TOGARAM2: variants seen among roughly 807,000 people sequenced by gnomAD.
The protein encoded by TOGARAM2 is TOG array regulator of axonemal microtubules 2.
TOGARAM2 carries 85 observed loss-of-function variants against 93.3 expected under a neutral mutation model. The observed-to-expected ratio is 0.91, with a 90% CI of 0.76 to 1.09. TOGARAM2 has a LOEUF of 1.09. TOGARAM2 is among the 50% of genes least tolerant of loss of function. TOGARAM2 has a pLI of 0.00. For synonymous variants in TOGARAM2, 593 were observed against 552.8 expected (o/e 1.07, Z -1.02); for missense variants, 1,277 against 1,334.5 (o/e 0.96, Z 0.67).
chr2:29,033,480 T>C lies in TOGARAM2; in HGVS notation c.2142T>C (p.Asp714=). The change falls in exon 16 of 20, where the codon GAT becomes GAC. Residue 714 remains aspartate (D), a synonymous_variant. Coordinates refer to ENST00000379558, the MANE Select transcript of TOGARAM2 (RefSeq NM_199280.4). ...TGTATTTTTTCAAGGGAATAGAAGATAATGATGAACTTCCCTCTGCCAAAG... is the reference window on the plus strand; with the variant it reads ...TGTATTTTTTCAAGGGAATAGAAGACAATGATGAACTTCCCTCTGCCAAAG... ...MAAIKQQGIE[D]NDELPSAKGR... 1.2e-6 allele frequency: 2 copies of C among 1,613,242 alleles called. No individual in the cohort carries two copies. The highest frequency in any genetic ancestry group is 1.7e-6 in the Non-Finnish European group (2 of 1,179,654).
At chr2:28,988,457 C>T (rs921741431) in intron 1 of TOGARAM2, among the ~76,000 whole-genome samples, 7 of 152,122 alleles carry the variant, frequency 4.6e-5, no homozygotes, top group African/African-American at 1.4e-4. Context: ...CCCATCTGGC[C>T]CAGCCTGTGC....
At chr2:29,047,100 C>T (rs1209161528) in intron 19 of TOGARAM2, 2 of 152,726 alleles carry the variant, frequency 1.3e-5, no homozygotes, top group Non-Finnish European at 2.9e-5. Context: ...TCCCCTGCCC[C>T]ATCTCTTGCG....
intron 6 of TOGARAM2, among the ~76,000 whole-genome samples, chr2:29,006,710 C>G (rs1423502475): frequency 6.6e-6 from 1 of 152,128 alleles, no homozygotes. Flanking sequence ...GTTATAGAGA[C>G]CCGTCCATGT....
intron 18 of TOGARAM2, among the ~76,000 whole-genome samples, chr2:29,042,244 A>G (rs1301754422): frequency 6.6e-6 from 1 of 152,294 alleles, no homozygotes; most frequent in East Asian, 1.9e-4. Flanking sequence ...TCTGGGGTTC[A>G]TAAACCAGCC....
At chr2:29,031,782 G>T (rs1393700815) in intron 14 of TOGARAM2, among the ~76,000 whole-genome samples, 1 of 152,246 alleles carries the variant, frequency 6.6e-6, no homozygotes, top group Non-Finnish European at 1.5e-5. Flanking sequence ...ACATGGGGCA[G>T]TGTCATTGGA....
intron 1 of TOGARAM2, among the ~76,000 whole-genome samples, chr2:28,958,557 C>T (rs1011961122): frequency 1.3e-5 from 2 of 152,168 alleles, no homozygotes; most frequent in African/African-American, 4.8e-5. Flanking sequence ...CCTCCTTGGC[C>T]TCCCCAAATG....
chr2:29,036,645 A>C lies in TOGARAM2; in HGVS notation c.2523A>C (p.Leu841Phe). The change falls in exon 18 of 20, where the codon TTA (leucine) becomes TTC (phenylalanine). Residue 841 changes from leucine to phenylalanine, a missense_variant. Leu to Phe is a conservative substitution (Grantham distance 22). Coordinates refer to ENST00000379558, the MANE Select transcript of TOGARAM2 (RefSeq NM_199280.4). ...TGATCCCCCTCCTCAGAGAGAGCTT[A>C]CACCCCATGCTGCTCTCCATCATCA... is the stretch of plus-strand genomic sequence containing the variant. Reference protein sequence around the residue: ...AKMIPLLRESLHPMLLSIIIT... With the variant: ...AKMIPLLRESFHPMLLSIIIT... The C allele has an allele frequency of 6.2e-7, 1 of 1,613,928 alleles. No individual in the cohort carries two copies. Among genetic ancestry groups the C allele is most frequent in the Non-Finnish European group, 8.5e-7 (1 of 1,179,866 alleles).
intron 6 of TOGARAM2, 36 bp from the exon 7 acceptor site, chr2:29,011,419 C>A (rs755563505): frequency 6.2e-7 from 1 of 1,607,028 alleles, no homozygotes; most frequent in Non-Finnish European, 8.5e-7. Flanking sequence ...GGCTGGCCAT[C>A]CCTCATGATG....
At chr2:29,004,392 G>A (rs548382844) in intron 6 of TOGARAM2, among the ~76,000 whole-genome samples, 3 of 152,350 alleles carry the variant, frequency 2.0e-5, no homozygotes, top group Admixed American at 2.0e-4. Context: ...ATGTGTATGG[G>A]GGACAGTCCA....
intron 6 of TOGARAM2, among the ~76,000 whole-genome samples, chr2:29,008,332 G>A (rs757818980): frequency 3.9e-5 from 6 of 152,056 alleles, no homozygotes; most frequent in Non-Finnish European, 7.4e-5. Context: ...TGTAATTTTA[G>A]TAGAGCTGCA....
intron 16 of TOGARAM2, among the ~76,000 whole-genome samples, chr2:29,034,862 C>T (rs1162909561): frequency 6.6e-6 from 1 of 152,116 alleles, no homozygotes; most frequent in Non-Finnish European, 1.5e-5. Context: ...ATTAAATGTG[C>T]ACCAGTTGGC....
intron 6 of TOGARAM2, among the ~76,000 whole-genome samples, chr2:29,011,247 G>T (rs962397501): frequency 5.3e-5 from 8 of 152,214 alleles, no homozygotes; most frequent in African/African-American, 1.7e-4. Context: ...AACCTGGCCT[G>T]GTGGTCAGCC....
At chr2:28,989,452 C>T (rs1218662438) in intron 1 of TOGARAM2, among the ~76,000 whole-genome samples, 4 of 151,544 alleles carry the variant, frequency 2.6e-5, no homozygotes, top group East Asian at 1.9e-4. Context: ...GACTGGAGTG[C>T]GGTGGCACAA....
intron 6 of TOGARAM2, among the ~76,000 whole-genome samples, chr2:29,004,621 CAGGT>C (rs1380025280): frequency 8.7e-5 from 10 of 114,380 alleles, no homozygotes; most frequent in South Asian, 2.8e-4. Context: ...TGAGTGCCTG[CAGGT>C]ATGTGTGAGT....
chr2:28,958,634 G>A (rs112747873), intron 1 of TOGARAM2, among the ~76,000 whole-genome samples: 7 of 152,282 alleles, frequency 4.6e-5, no homozygotes, highest in African/African-American at 1.7e-4. Flanking sequence ...GAGTGCACAC[G>A]TGTGTATTGG....
At chr2:28,961,903 CTT>C (rs1284088794) in intron 1 of TOGARAM2, among the ~76,000 whole-genome samples, 2 of 152,182 alleles carry the variant, frequency 1.3e-5, no homozygotes, top group Non-Finnish European at 2.9e-5. Context: ...CAAAGATACT[CTT>C]TGTTTTTTCT....
chr2:28,985,886 T>C lies in TOGARAM2; in HGVS notation c.-111+4348T>C, dbSNP rs538065968. Among the ~76,000 whole-genome samples the C allele has an allele frequency of 2.9e-4, 44 of 152,192 alleles. No homozygotes were observed. In the South Asian group the frequency reaches 9.1e-3, roughly 32 times the overall value. ...TGGGAGGCTGAGGTGGGTGGATCAC[T>C]TGAGGTCAGGAGTTCGAGACCAGCC... On this transcript the variant is annotated intron_variant, in intron 1 of 19. Transcript: ENST00000379558.
Position 29,024,129 on chromosome 2 carries a change from TC to T in TOGARAM2, c.1618-9del. 1.3e-6 allele frequency: 2 copies of T among 1,560,740 alleles called. No individual in the cohort carries two copies. The highest frequency in any genetic ancestry group is 1.7e-6 in the Non-Finnish European group (2 of 1,152,156). ...CCAGCACCCTGGAGGGCCTCTCTCCTCTCTCCAAGGTCACCAACCTGCGGTC... is the reference window on the plus strand; with the variant it reads ...CCAGCACCCTGGAGGGCCTCTCTCCTTCTCCAAGGTCACCAACCTGCGGTC... On this transcript the variant is annotated splice_polypyrimidine_tract_variant and intron_variant, in intron 12 of 19. Transcript: ENST00000379558.
At chr2:28,975,482 G>A (rs892304437) in intron 1 of TOGARAM2, among the ~76,000 whole-genome samples, 4 of 152,160 alleles carry the variant, frequency 2.6e-5, no homozygotes, top group Non-Finnish European at 5.9e-5. Flanking sequence ...GCCAGTGTGC[G>A]AGCCACTGCG....
Sources: gnomAD v4.1 joint callset for allele counts (sites outside exome capture counted in the v4.1 genomes callset) on GRCh38, gnomAD v4.1.1 for gene constraint, MANE v1.5 for transcripts, NCBI Gene and HGNC (gene_info 2026-07-23, HGNC 2026-07-21) for gene names.